Variants in DPP10 observed in about 807,000 individuals in gnomAD.
DPP10 encodes dipeptidyl peptidase like 10.
In DPP10, 33 loss-of-function variants were observed where a neutral mutation model predicts 120.9. The observed-to-expected ratio is 0.27, with a 90% CI of 0.21 to 0.37. DPP10 has a LOEUF of 0.37. Among genes scored for constraint, DPP10 ranks in the 10% least tolerant of loss-of-function variants. DPP10 has a pLI of 1.00. For missense variants in DPP10, 816 were observed against 942.8 expected (o/e 0.87, Z 1.76); for synonymous variants, 337 against 326.1 (o/e 1.03, Z -0.36).
At chr2:115,622,744 A>G (rs989615420) in intron 5 of DPP10, among the ~76,000 whole-genome samples, 2 of 151,368 alleles carry the variant, frequency 1.3e-5, no homozygotes, top group African/African-American at 4.9e-5. Context: ...TAGGCATTTC[A>G]GTGGATCCCT....
In DPP10 at chr2:114,717,226, G is replaced by A. The variant is rs144968037; in HGVS notation, c.60+274388G>A. The stretch of plus-strand genomic sequence containing the variant: ...ATATGGAGAAGACAGCATGCCACAT[G>A]CCAGGGAAAACAAAGGCCATAGAAA... On this transcript the variant is annotated intron_variant, in intron 1 of 25. Transcript: ENST00000410059. Among the ~76,000 whole-genome samples, 149 of 152,280 alleles carry A rather than the reference G, an allele frequency of 9.8e-4. 1 individual carries two copies. Among genetic ancestry groups the A allele is most frequent in the African/African-American group, 3.4e-3 (141 of 41,560 alleles).
intron 1 of DPP10, among the ~76,000 whole-genome samples, chr2:115,164,538 C>G (rs1206503701): frequency 1.3e-5 from 2 of 152,152 alleles, no homozygotes; most frequent in Non-Finnish European, 2.9e-5. Context: ...AAATCAATCA[C>G]TATGCATTGA....
chr2:115,219,564 A>C (rs1476120313), intron 1 of DPP10, among the ~76,000 whole-genome samples: 1 of 152,182 alleles, frequency 6.6e-6, no homozygotes, highest in Non-Finnish European at 1.5e-5. Context: ...ATAACAATAA[A>C]AGGTGCTGTA....
At chr2:115,557,960 A>G (rs955303835) in intron 5 of DPP10, among the ~76,000 whole-genome samples, 1 of 152,212 alleles carries the variant, frequency 6.6e-6, no homozygotes, top group African/African-American at 2.4e-5. Flanking sequence ...ATGGACTTAC[A>G]TGTTAAAGGT....
At chr2:115,483,479 C>CTATCTATATCTGTATG (rs3980957) in intron 3 of DPP10, among the ~76,000 whole-genome samples, 23,456 of 144,006 alleles carry the variant, frequency 0.16, 2,136 homozygotes, top group Middle Eastern at 0.21. Context: ...ATCTATCTAT[C>CTATCTATATCTGTATG]TGTATGTGTA....
chr2:114,907,147 A>T (rs1694033737), intron 1 of DPP10, among the ~76,000 whole-genome samples: 2 of 152,084 alleles, frequency 1.3e-5, no homozygotes, highest in Admixed American at 1.3e-4. Context: ...ATTTAAAAAA[A>T]AATATTTCTG....
chr2:115,166,474 TTTC>T (rs1418943440), intron 1 of DPP10, among the ~76,000 whole-genome samples: 3 of 144,472 alleles, frequency 2.1e-5, no homozygotes, highest in African/African-American at 7.8e-5. Flanking sequence ...TCTCCCTGAA[TTTC>T]TTATTTTTAT....
At chr2:115,599,907 C>T (rs1380105562) in intron 5 of DPP10, among the ~76,000 whole-genome samples, 1 of 152,112 alleles carries the variant, frequency 6.6e-6, no homozygotes. Context: ...CCACCATCCT[C>T]CATTCACCTT....
At chr2:114,767,103 G>GAAAAAAAAAAAAAAAAAAAACAAA (rs35500978) in intron 1 of DPP10, among the ~76,000 whole-genome samples, 1 of 48,074 alleles carries the variant, frequency 2.1e-5, no homozygotes, top group Non-Finnish European at 4.5e-5. Flanking sequence ...ATCAAAACTA[G>GAAAAAAAAAAAAAAAAAAAACAAA]AAAAAAAAAA....
chr2:114,903,057 A>G (rs1195506550), intron 1 of DPP10, among the ~76,000 whole-genome samples: 1 of 152,174 alleles, frequency 6.6e-6, no homozygotes, highest in East Asian at 1.9e-4. Flanking sequence ...TACAATATGT[A>G]GACTTTTTAT....
intron 1 of DPP10, among the ~76,000 whole-genome samples, chr2:114,514,635 C>T (rs751692834): frequency 8.5e-5 from 13 of 152,270 alleles, no homozygotes; most frequent in South Asian, 2.1e-4. Flanking sequence ...TTTGCCACCA[C>T]TGAGAACTTG....
In DPP10 at chr2:115,525,878, G is replaced by GTTT; in HGVS notation, c.367-13_367-11dup. 6.5e-7 allele frequency: 1 copy of GTTT among 1,534,680 alleles called. No individual in the cohort carries two copies. The highest frequency in any genetic ancestry group is 8.8e-7 in the Non-Finnish European group (1 of 1,134,600). ...GTTAAGAAGTTTTTAAATATAACTG[G>GTTT]TTTTTTTTTCTTTTTCTAGGTAACC... On this transcript the variant is annotated intron_variant, in intron 4 of 25. Transcript: ENST00000410059.
At chr2:115,535,426 T>G (rs1212886362) in intron 5 of DPP10, among the ~76,000 whole-genome samples, 2 of 152,120 alleles carry the variant, frequency 1.3e-5, no homozygotes, top group Non-Finnish European at 2.9e-5. Context: ...TAGTTGCAGA[T>G]ATGTGGCGTT....
intron 2 of DPP10, among the ~76,000 whole-genome samples, chr2:115,321,563 T>C (rs7568698): frequency 0.78 from 112,689 of 143,726 alleles, 44,502 homozygotes; most frequent in Non-Finnish European, 0.83. Flanking sequence ...CATATAGTTC[T>C]ATGTCCTTTG....
chr2:114,478,750 A>G (rs1266201652), intron 1 of DPP10, among the ~76,000 whole-genome samples: 1 of 152,160 alleles, frequency 6.6e-6, no homozygotes, highest in Non-Finnish European at 1.5e-5. Flanking sequence ...CAAGATCAGC[A>G]TGCAAAATTT....
intron 1 of DPP10, among the ~76,000 whole-genome samples, chr2:114,621,715 C>T (rs1329602617): frequency 1.3e-5 from 2 of 151,806 alleles, no homozygotes; most frequent in South Asian, 2.1e-4. Context: ...AAACTCTCCT[C>T]CTCTCTAAAT....
chr2:114,769,314 G>A (rs1199452218), intron 1 of DPP10, among the ~76,000 whole-genome samples: 3 of 152,028 alleles, frequency 2.0e-5, no homozygotes, highest in Non-Finnish European at 2.9e-5. Flanking sequence ...ATCAACTACA[G>A]GGGGAGTATT....
At chr2:114,583,832 A>C (rs1690732224) in intron 1 of DPP10, among the ~76,000 whole-genome samples, 1 of 152,158 alleles carries the variant, frequency 6.6e-6, no homozygotes, top group Non-Finnish European at 1.5e-5. Flanking sequence ...ATACGGAGTA[A>C]CCTCTTGATA....
chr2:115,674,008 T>C (rs2090092503), intron 5 of DPP10, among the ~76,000 whole-genome samples: 1 of 152,086 alleles, frequency 6.6e-6, no homozygotes, highest in Admixed American at 6.5e-5. Flanking sequence ...GGTCAGGAGT[T>C]CGAGACCAGC....
Sources: gnomAD v4.1 joint callset for allele counts (sites outside exome capture counted in the v4.1 genomes callset) on GRCh38, gnomAD v4.1.1 for gene constraint, MANE v1.5 for transcripts, NCBI Gene and HGNC (gene_info 2026-07-23, HGNC 2026-07-21) for gene names.